NAA15: variants seen among roughly 807,000 people sequenced by gnomAD.
NAA15 encodes the protein N-terminal acetyltransferase.
A neutral mutation model predicts 114.0 loss-of-function variants in NAA15; 34 were observed. The ratio of observed to expected loss-of-function variants is 0.30; its 90% CI spans 0.23 to 0.40. NAA15 has a LOEUF of 0.40. Ranked by LOEUF, NAA15 falls within the 10% of genes least tolerant of loss-of-function variation. The pLI, the probability that NAA15 is intolerant of heterozygous loss-of-function variation, is 1.00. For missense variants in NAA15, 658 were observed against 1,004.5 expected, an observed-to-expected ratio of 0.66 and a Z score of 4.66; for synonymous variants, 340 against 338.0, an observed-to-expected ratio of 1.01 and a Z score of -0.06.
intron 2 of NAA15, 70 bp from the exon 3 acceptor site, chr4:139,336,777 GT>G: frequency 1.2e-6 from 1 of 850,508 alleles, no homozygotes; most frequent in South Asian, 2.9e-5. Context: ...TGAGATTATG[GT>G]TCTGTTGTTA....
chr4:139,342,570 C>T (rs1432071552), intron 4 of NAA15, among the ~76,000 whole-genome samples: 2 of 151,316 alleles, frequency 1.3e-5, no homozygotes, highest in African/African-American at 2.4e-5. Flanking sequence ...CCGCCTCAGC[C>T]TCCTGAGTAG....
intron 7 of NAA15, 108 bp downstream of exon 7, chr4:139,349,689 G>C: frequency 8.3e-7 from 1 of 1,199,626 alleles, no homozygotes; most frequent in Non-Finnish European, 1.1e-6. Flanking sequence ...GAATTGGTTC[G>C]AAATCTGAAT....
At chr4:139,376,573 G>A in intron 16 of NAA15, 100 bp downstream of exon 16, 1 of 745,034 alleles carries the variant, frequency 1.3e-6, no homozygotes, top group South Asian at 1.6e-5. Context: ...CGATTATTTA[G>A]CAAATGCCAA....
In NAA15 at chr4:139,328,370, C is replaced by G. The variant is rs112325357; in HGVS notation, c.55-5804C>G. Among the ~76,000 whole-genome samples, 1,029 of 151,944 alleles carry G rather than the reference C, an allele frequency of 6.8e-3. 14 individuals are homozygous for G. The highest frequency in any genetic ancestry group is 0.024 in the African/African-American group (978 of 41,448). Reference sequence around the variant, plus strand: ...TACAGGTGTCCGCCACCACGCCTGGCTAACTTTTGTATTTTCAGTAGAGAC... The same window carrying G: ...TACAGGTGTCCGCCACCACGCCTGGGTAACTTTTGTATTTTCAGTAGAGAC... On this transcript the variant is annotated intron_variant, in intron 1 of 19. Coordinates refer to ENST00000296543, the MANE Select transcript of NAA15 (RefSeq NM_057175.5).
At chr4:139,378,556 C>T (rs549380541) in intron 16 of NAA15, among the ~76,000 whole-genome samples, 200 bp from the exon 17 acceptor site, 2 of 152,218 alleles carry the variant, frequency 1.3e-5, no homozygotes, top group African/African-American at 4.8e-5. Flanking sequence ...CTACATTTCA[C>T]AAAACGTTTT....
chr4:139,339,875 A>G (rs1747326334), intron 3 of NAA15, among the ~76,000 whole-genome samples: 1 of 152,218 alleles, frequency 6.6e-6, no homozygotes, highest in South Asian at 2.1e-4. Flanking sequence ...CAAGATCTAA[A>G]GTGAAAAAGG....
At chr4:139,365,359 C>G (rs190199400) in intron 14 of NAA15, among the ~76,000 whole-genome samples, 1 of 152,134 alleles carries the variant, frequency 6.6e-6, no homozygotes, top group Admixed American at 6.6e-5. Context: ...TTTTAATCAT[C>G]TGGAGTTTAG....
intron 1 of NAA15, among the ~76,000 whole-genome samples, chr4:139,331,760 C>T (rs531698445): frequency 9.2e-5 from 14 of 151,942 alleles, no homozygotes; most frequent in African/African-American, 2.7e-4. Flanking sequence ...CTATCATGCC[C>T]GGCCATATCA....
chr4:139,362,521 C>T (rs1345668751), intron 14 of NAA15, among the ~76,000 whole-genome samples: 1 of 152,174 alleles, frequency 6.6e-6, no homozygotes, highest in East Asian at 1.9e-4. Flanking sequence ...GATCTGCCCA[C>T]CTCGGCCTCC....
At chr4:139,355,405 T>A (rs1007950431) in intron 10 of NAA15, among the ~76,000 whole-genome samples, 4 of 152,134 alleles carry the variant, frequency 2.6e-5, no homozygotes, top group South Asian at 4.1e-4. Flanking sequence ...GAAATTTTTT[T>A]ATTTTTTTTT....
chr4:139,390,918 ATG>A lies in NAA15; in HGVS notation c.*2835_*2836del, dbSNP rs1289649834. On this transcript the variant is annotated 3_prime_UTR_variant, in exon 20 of 20. Transcript: ENST00000296543. ...GCTGTGAAATGAAAGCTGTGACTTTATGAAGAGATCAAAAAAAGTGTGGTCCA... is the reference window on the plus strand; with the variant it reads ...GCTGTGAAATGAAAGCTGTGACTTTAAAGAGATCAAAAAAAGTGTGGTCCA... 6.6e-6 allele frequency: 1 copy of A among 152,206 alleles called. No homozygotes were observed. The highest frequency in any genetic ancestry group is 1.5e-5 in the Non-Finnish European group (1 of 68,036). 9.4% of individuals were successfully genotyped at this position (152,206 alleles called of 1,614,324 possible).
intron 1 of NAA15, among the ~76,000 whole-genome samples, chr4:139,326,458 C>CA (rs1305478858): frequency 1.3e-5 from 2 of 152,314 alleles, no homozygotes; most frequent in East Asian, 3.9e-4. Flanking sequence ...GTCTTTTTCT[C>CA]ATGATTGCTC....
chr4:139,317,390 G>A (rs1030132227), intron 1 of NAA15, among the ~76,000 whole-genome samples: 2 of 152,104 alleles, frequency 1.3e-5, no homozygotes, highest in African/African-American at 2.4e-5. Context: ...TTGGGCGGCC[G>A]AGGCGGGTAG....
intron 6 of NAA15, among the ~76,000 whole-genome samples, chr4:139,348,540 A>G (rs1747677144): frequency 6.6e-6 from 1 of 152,172 alleles, no homozygotes; most frequent in Admixed American, 6.5e-5. Context: ...AAGATATAAC[A>G]GAGAGTGAAG....
At chr4:139,332,082 C>T (rs1205855890) in intron 1 of NAA15, among the ~76,000 whole-genome samples, 1 of 152,088 alleles carries the variant, frequency 6.6e-6, no homozygotes, top group African/African-American at 2.4e-5. Context: ...TCTGGAGTGG[C>T]TGTTCTCTAG....
At chr4:139,364,896 C>G (rs531054220) in intron 14 of NAA15, among the ~76,000 whole-genome samples, 1 of 152,160 alleles carries the variant, frequency 6.6e-6, no homozygotes, top group Non-Finnish European at 1.5e-5. Context: ...TTATTTCTTT[C>G]AATATTTATA....
intron 1 of NAA15, among the ~76,000 whole-genome samples, chr4:139,332,964 G>C (rs4323049): frequency 0.012 from 1,771 of 152,110 alleles, 12 homozygotes; most frequent in East Asian, 0.029. Flanking sequence ...CAAAATCCAG[G>C]GATGCTCAAG....
chr4:139,355,072 C>T (rs1000730261), intron 10 of NAA15, among the ~76,000 whole-genome samples: 1 of 151,756 alleles, frequency 6.6e-6, no homozygotes, highest in South Asian at 2.1e-4. Flanking sequence ...CGGGGTCTCA[C>T]CATATTGGCC....
chr4:139,358,814 T>C (rs1196802750), intron 11 of NAA15, among the ~76,000 whole-genome samples: 1 of 152,156 alleles, frequency 6.6e-6, no homozygotes, highest in African/African-American at 2.4e-5. Context: ...CACATTTAAT[T>C]ATGTTTTGAC....
Sources: allele counts gnomAD v4.1 joint callset (sites outside exome capture counted in the v4.1 genomes callset), GRCh38; gene constraint gnomAD v4.1.1; transcripts MANE v1.5; gene names NCBI Gene and HGNC (gene_info 2026-07-23, HGNC 2026-07-21).